Variants in NPSR1 observed in about 807,000 individuals in gnomAD.
The protein encoded by NPSR1 is neuropeptide S receptor 1, also known as neuropeptide S receptor.
NPSR1 carries 48 observed loss-of-function variants against 46.9 expected under a neutral mutation model. The ratio of observed to expected loss-of-function variants is 1.02; its 90% CI spans 0.81 to 1.30. The LOEUF is 1.30. Ranked by LOEUF, NPSR1 falls within the 50% of genes most tolerant of loss-of-function variation. NPSR1 has a pLI of 0.00. For synonymous variants in NPSR1, 176 were observed against 168.1 expected (o/e 1.05, Z -0.36); for missense variants, 450 against 449.5 (o/e 1.00, Z -0.01).
chr7:34,772,085 T>C (rs1467933399), intron 2 of NPSR1, among the ~76,000 whole-genome samples: 1 of 152,118 alleles, frequency 6.6e-6, no homozygotes, highest in African/African-American at 2.4e-5. Context: ...AAAATAAAAG[T>C]TTTATTTTGT....
rs1419467707 is a variant in NPSR1 at position 34,714,134 on chromosome 7, C to T, written c.280+29450C>T. 6.6e-5 allele frequency among the ~76,000 whole-genome samples: 10 copies of T among 152,334 alleles called. No homozygotes were observed. The East Asian group carries it at 1.9e-3, about 29-fold the overall frequency. On this transcript the variant is annotated intron_variant, in intron 2 of 8. Coordinates refer to ENST00000360581, the MANE Select transcript of NPSR1 (RefSeq NM_207172.2). ...TCCGCTGGAAGTCTGGCAAAGATCG[C>T]CAGGAAAGTTCCTCAGTTCCTCCTC...
chr7:34,866,199 G>A (rs545693801), intron 8 of NPSR1, among the ~76,000 whole-genome samples: 6 of 151,820 alleles, frequency 4.0e-5, no homozygotes, highest in Middle Eastern at 3.4e-3. Context: ...GGTGGATGCC[G>A]ATGGATTGGT....
chr7:34,876,598 C>A (rs191301478), intron 8 of NPSR1, among the ~76,000 whole-genome samples: 2 of 152,270 alleles, frequency 1.3e-5, no homozygotes, highest in East Asian at 3.9e-4. Flanking sequence ...AAAGCTGTTG[C>A]AGTTTTTGCC....
chr7:34,847,413 AG>A (rs1790775472), intron 7 of NPSR1, among the ~76,000 whole-genome samples: 1 of 151,972 alleles, frequency 6.6e-6, no homozygotes, highest in Non-Finnish European at 1.5e-5. Context: ...AGAGAGAGAG[AG>A]AGAGAGGTTT....
intron 2 of NPSR1, among the ~76,000 whole-genome samples, chr7:34,748,801 G>T (rs1785353442): frequency 1.3e-5 from 2 of 152,024 alleles, no homozygotes; most frequent in South Asian, 4.2e-4. Flanking sequence ...GCGGAAGGGG[G>T]CATATTTGTC....
chr7:34,782,172 G>T (rs1787258788), intron 3 of NPSR1, among the ~76,000 whole-genome samples: 1 of 152,060 alleles, frequency 6.6e-6, no homozygotes, highest in Admixed American at 6.6e-5. Context: ...CAGCAGAAGG[G>T]GCATCTGCAC....
At chr7:34,687,443 T>G (rs894744267) in intron 2 of NPSR1, among the ~76,000 whole-genome samples, 1 of 152,146 alleles carries the variant, frequency 6.6e-6, no homozygotes, top group African/African-American at 2.4e-5. Context: ...TAGGGAGACC[T>G]GAGGAAACTT....
chr7:34,875,683 G>A (rs896360676), intron 8 of NPSR1, among the ~76,000 whole-genome samples: 12 of 152,204 alleles, frequency 7.9e-5, no homozygotes, highest in African/African-American at 2.9e-4. Flanking sequence ...TGTTAGGAGA[G>A]AATGAGGAGC....
intron 2 of NPSR1, chr7:34,750,520 T>C: frequency 1.4e-6 from 1 of 702,632 alleles, no homozygotes; most frequent in Non-Finnish European, 2.7e-6. Context: ...CTGTTGGGGC[T>C]CTCTGGCTAC....
At chr7:34,803,638 A>G (rs1330604016) in intron 3 of NPSR1, among the ~76,000 whole-genome samples, 1 of 151,934 alleles carries the variant, frequency 6.6e-6, no homozygotes, top group Non-Finnish European at 1.5e-5. Context: ...TAGTGGGTGC[A>G]CCACACCAGC....
intron 3 of NPSR1, among the ~76,000 whole-genome samples, chr7:34,791,050 GTTATATGTTATATA>G (rs1386110447): frequency 3.2e-4 from 33 of 103,188 alleles, no homozygotes; most frequent in African/African-American, 1.4e-3. Flanking sequence ...TATTATATAT[GTTATATGTTATATA>G]TTATATTATA....
At chr7:34,784,895 G>T (rs188612670) in intron 3 of NPSR1, among the ~76,000 whole-genome samples, 1 of 152,082 alleles carries the variant, frequency 6.6e-6, no homozygotes, top group South Asian at 2.1e-4. Flanking sequence ...GTGCTGGAGA[G>T]GATGTGGAGA....
chr7:34,751,180 C>T, intron 2 of NPSR1: 2 of 1,098,002 alleles, frequency 1.8e-6, no homozygotes, highest in Non-Finnish European at 2.8e-6. Context: ...ATGAGGAGTC[C>T]AGGGGTCCAC....
At chr7:34,668,647 T>C (rs1791880935) in intron 1 of NPSR1, among the ~76,000 whole-genome samples, 1 of 152,196 alleles carries the variant, frequency 6.6e-6, no homozygotes, top group African/African-American at 2.4e-5. Context: ...CCCATGTCCA[T>C]CACAGGTTAA....
At chr7:34,698,348 A>G (rs1168029885) in intron 2 of NPSR1, among the ~76,000 whole-genome samples, 2 of 152,178 alleles carry the variant, frequency 1.3e-5, no homozygotes, top group African/African-American at 2.4e-5. Flanking sequence ...TTTACAAAAT[A>G]TATCACATTA....
chr7:34,818,791 C>T (rs912675220), intron 4 of NPSR1, among the ~76,000 whole-genome samples: 10 of 152,154 alleles, frequency 6.6e-5, no homozygotes, highest in Non-Finnish European at 1.3e-4. Flanking sequence ...TGATCTTTGA[C>T]AAACCTGACA....
intron 1 of NPSR1, among the ~76,000 whole-genome samples, chr7:34,667,911 G>A (rs1019057097): frequency 2.6e-5 from 4 of 151,558 alleles, no homozygotes; most frequent in Admixed American, 1.3e-4. Flanking sequence ...CCAAGTATTA[G>A]CAAAAAAAAC....
chr7:34,814,615 T>C (rs568614363), intron 4 of NPSR1, among the ~76,000 whole-genome samples: 10 of 152,308 alleles, frequency 6.6e-5, no homozygotes, highest in Non-Finnish European at 1.3e-4. Flanking sequence ...CACCTGTGTA[T>C]GCTAACTGGG....
chr7:34,819,827 A>T (rs746099004), intron 4 of NPSR1, among the ~76,000 whole-genome samples: 3 of 152,248 alleles, frequency 2.0e-5, no homozygotes, highest in Non-Finnish European at 4.4e-5. Flanking sequence ...AAAGACAGAA[A>T]ACCAAACACT....
Sources: gnomAD v4.1 joint callset for allele counts (sites outside exome capture counted in the v4.1 genomes callset) on GRCh38, gnomAD v4.1.1 for gene constraint, MANE v1.5 for transcripts, NCBI Gene and HGNC (gene_info 2026-07-23, HGNC 2026-07-21) for gene names.